The following AGBL1 variants were observed in gnomAD, a reference collection of about 807,000 sequenced individuals.
The protein encoded by AGBL1 is cytosolic carboxypeptidase 4.
A neutral mutation model predicts 118.9 loss-of-function variants in AGBL1; 130 were observed. The observed-to-expected ratio is 1.09, with a 90% CI of 0.95 to 1.26. The LOEUF (loss-of-function observed/expected upper bound fraction) is 1.26. Among genes scored for constraint, AGBL1 ranks in the 50% most tolerant of loss-of-function variants. The pLI is 0.00. For missense variants in AGBL1, 1,584 were observed against 1,298.1 expected (o/e 1.22, Z -3.38); for synonymous variants, 555 against 478.9 (o/e 1.16, Z -2.08).
At chr15:86,970,111 A>C (rs2081092029) in intron 23 of AGBL1, among the ~76,000 whole-genome samples, 1 of 151,914 alleles carries the variant, frequency 6.6e-6, no homozygotes, top group Non-Finnish European at 1.5e-5. Flanking sequence ...CTAGTAGCTT[A>C]TTCTGTCTTT....
At chr15:86,203,544 C>G (rs2077941536) in intron 5 of AGBL1, among the ~76,000 whole-genome samples, 1 of 152,170 alleles carries the variant, frequency 6.6e-6, no homozygotes, top group Admixed American at 6.5e-5. Flanking sequence ...TTTTGACTCA[C>G]AGGCTTTTTG....
At chr15:86,258,954 C>T (rs1156937312) in intron 9 of AGBL1, among the ~76,000 whole-genome samples, 2 of 152,220 alleles carry the variant, frequency 1.3e-5, no homozygotes, top group African/African-American at 2.4e-5. Flanking sequence ...GTCTGCCCGC[C>T]TCAGCCTCCC....
At chr15:86,495,279 C>A (rs539823219) in intron 18 of AGBL1, among the ~76,000 whole-genome samples, 2 of 150,994 alleles carry the variant, frequency 1.3e-5, no homozygotes, top group African/African-American at 4.9e-5. Context: ...ACAAACACAC[C>A]CCATTCCAAG....
chr15:87,006,573 T>C lies in AGBL1; in HGVS notation c.3323+18485T>C, dbSNP rs555616413. ...GTATTAGGGTGAGAGTGACCTGATT[T>C]TCCAGGTGTCATCTGTCACAGCTTT... On this transcript the variant is annotated intron_variant, in intron 24 of 24. Coordinates refer to the AGBL1 transcript ENST00000441037. Among the ~76,000 whole-genome samples the C allele has an allele frequency of 1.0e-3, 154 of 152,264 alleles. 2 individuals carry two copies. Among genetic ancestry groups the C allele is most frequent in the Admixed American group, 1.2e-3 (18 of 15,302 alleles).
At chr15:86,145,602 C>A (rs1319836342) in intron 3 of AGBL1, among the ~76,000 whole-genome samples, 2 of 152,082 alleles carry the variant, frequency 1.3e-5, no homozygotes, top group Admixed American at 1.3e-4. Context: ...ATTTGGATCT[C>A]CACGCTGAGT....
At chr15:86,720,047 T>C (rs2086694090) in intron 22 of AGBL1, among the ~76,000 whole-genome samples, 2 of 152,236 alleles carry the variant, frequency 1.3e-5, no homozygotes, top group Non-Finnish European at 2.9e-5. Context: ...TTATTTATTT[T>C]CTATCTTAAG....
At chr15:86,766,240 C>T (rs912582108) in intron 22 of AGBL1, among the ~76,000 whole-genome samples, 3 of 151,910 alleles carry the variant, frequency 2.0e-5, no homozygotes, top group Non-Finnish European at 2.9e-5. Context: ...AGAGTTCATA[C>T]TCTGTCTCCC....
At chr15:86,594,968 T>A (rs1178044028) in intron 21 of AGBL1, among the ~76,000 whole-genome samples, 3 of 152,206 alleles carry the variant, frequency 2.0e-5, no homozygotes, top group Non-Finnish European at 4.4e-5. Flanking sequence ...TTGTTTCACT[T>A]GATCCATCAG....
intron 21 of AGBL1, among the ~76,000 whole-genome samples, chr15:86,556,710 G>A (rs568705969): frequency 6.6e-6 from 1 of 152,316 alleles, no homozygotes; most frequent in African/African-American, 2.4e-5. Flanking sequence ...ACATTGGGAA[G>A]CTGAGTCCCA....
intron 5 of AGBL1, among the ~76,000 whole-genome samples, chr15:86,174,994 A>C (rs1184991904): frequency 6.6e-6 from 1 of 152,034 alleles, no homozygotes; most frequent in Non-Finnish European, 1.5e-5. Context: ...GTTTCGTTTC[A>C]GTATTAGGGT....
chr15:86,176,497 A>G (rs963456983), intron 5 of AGBL1, among the ~76,000 whole-genome samples: 1 of 152,180 alleles, frequency 6.6e-6, no homozygotes, highest in African/African-American at 2.4e-5. Context: ...TCCTGGAGAA[A>G]GCTTCCCTGG....
At chr15:86,959,796 A>G (rs1320370241) in intron 23 of AGBL1, among the ~76,000 whole-genome samples, 1 of 152,088 alleles carries the variant, frequency 6.6e-6, no homozygotes, top group African/African-American at 2.4e-5. Context: ...TAAAGCCAAA[A>G]TAATGATGCA....
intron 3 of AGBL1, among the ~76,000 whole-genome samples, chr15:86,151,851 C>G (rs2077116248): frequency 1.3e-5 from 2 of 152,148 alleles, no homozygotes; most frequent in African/African-American, 2.4e-5. Context: ...AATCAATGTG[C>G]AAAAATCACA....
chr15:86,790,366 ACG>A (rs747788137), intron 22 of AGBL1, among the ~76,000 whole-genome samples: 2 of 150,014 alleles, frequency 1.3e-5, no homozygotes, highest in Admixed American at 6.6e-5. Flanking sequence ...ACACACACAC[ACG>A]CATGCACGCA....
chr15:86,863,771 A>G (rs934684520), intron 22 of AGBL1, among the ~76,000 whole-genome samples: 9 of 152,196 alleles, frequency 5.9e-5, no homozygotes, highest in Non-Finnish European at 1.2e-4. Context: ...TATCTGTGCA[A>G]CAGCTTCTAA....
intron 17 of AGBL1, among the ~76,000 whole-genome samples, chr15:86,315,848 G>A (rs1452169678): frequency 1.3e-5 from 2 of 152,074 alleles, no homozygotes; most frequent in Non-Finnish European, 2.9e-5. Context: ...ACTCCAAAGT[G>A]GCACTGGTCA....
intron 21 of AGBL1, among the ~76,000 whole-genome samples, chr15:86,604,833 T>A (rs2084550481): frequency 6.6e-6 from 1 of 150,720 alleles, no homozygotes; most frequent in Non-Finnish European, 1.5e-5. Flanking sequence ...TTTGCTCTTG[T>A]TGCCCAGGTT....
intron 21 of AGBL1, among the ~76,000 whole-genome samples, chr15:86,590,992 T>C (rs549982608): frequency 6.6e-6 from 1 of 152,342 alleles, no homozygotes; most frequent in South Asian, 2.1e-4. Flanking sequence ...CCCAATAATG[T>C]ACGTTATAGC....
In AGBL1 at chr15:86,266,472, G is replaced by T. The variant is rs2079073822; in HGVS notation, c.1751+15G>T. ...GATGAGCCTTGGTAGGTAGTCTCGT[G>T]CATCTGAGGAAGGTGGGGCATGGAG... On this transcript the variant is annotated intron_variant, in intron 12 of 22. Transcript: ENST00000614907. The T allele has an allele frequency of 6.5e-7, 1 of 1,542,244 alleles. No homozygotes were observed. Among genetic ancestry groups the T allele is most frequent in the Non-Finnish European group, 8.8e-7 (1 of 1,136,430 alleles).
Sources: gnomAD v4.1 joint callset for allele counts (sites outside exome capture counted in the v4.1 genomes callset) on GRCh38, gnomAD v4.1.1 for gene constraint, MANE v1.5 for transcripts, NCBI Gene and HGNC (gene_info 2026-07-23, HGNC 2026-07-21) for gene names.